Variants in IGDCC3 observed in about 807,000 individuals in gnomAD.
IGDCC3 encodes the protein immunoglobulin superfamily DCC subclass member 3.
IGDCC3 carries 47 observed loss-of-function variants against 72.0 expected under a neutral mutation model. The ratio of observed to expected loss-of-function variants is 0.65; its 90% CI spans 0.52 to 0.83. The LOEUF is 0.83. Among genes scored for constraint, IGDCC3 ranks in the 40% least tolerant of loss-of-function variants. IGDCC3 has a pLI of 0.00. For synonymous variants in IGDCC3, 477 were observed against 472.8 expected (o/e 1.01, Z -0.11); for missense variants, 1,038 against 1,091.3 (o/e 0.95, Z 0.69).
chr15:65,344,730 T>G (rs2091112040), intron 2 of IGDCC3, among the ~76,000 whole-genome samples: 1 of 152,184 alleles, frequency 6.6e-6, no homozygotes, highest in Admixed American at 6.5e-5. Context: ...CTGCTTTTAA[T>G]TACTCAGCCC....
chr15:65,328,952 G>A lies in IGDCC3; in HGVS notation c.2402C>T (p.Pro801Leu). The A allele has an allele frequency of 1.3e-6, 2 of 1,580,382 alleles. No individual in the cohort carries two copies. The highest frequency in any genetic ancestry group is 1.4e-5 in the African/African-American group (1 of 73,470). Residue 801 changes from proline (P) to leucine (L), a missense_variant, in exon 14 of 14, where the codon CCT becomes CTT. Physicochemically the swap from Pro to Leu is moderately conservative, Grantham distance 98. Coordinates refer to ENST00000327987, the MANE Select transcript of IGDCC3 (RefSeq NM_004884.4). ...GLLSEGQASR[P>L]AAARVTQPAH... is the part of the protein sequence containing the mutation. ...TGGCTGGGTAACCCGGGCCGCTGCA[G>A]GCCTGGAAGCCTGGCCTTCACTGAG...
At chr15:65,371,924 C>T (rs1414550290) in intron 2 of IGDCC3, among the ~76,000 whole-genome samples, 1 of 152,198 alleles carries the variant, frequency 6.6e-6, no homozygotes, top group Non-Finnish European at 1.5e-5. Flanking sequence ...AACCCTCAGT[C>T]CTCCCAGGAA....
chr15:65,332,773 C>A (rs1232382630), intron 6 of IGDCC3, among the ~76,000 whole-genome samples: 2 of 152,232 alleles, frequency 1.3e-5, no homozygotes, highest in Non-Finnish European at 2.9e-5. Context: ...GATGGAAGGA[C>A]CAGGTTAGCG....
Position 65,329,251 on chromosome 15 carries a change from C to T in IGDCC3, c.2206-103G>A. ...AGGGTCTCCAGGTCTCCCTGCCTGA[C>T]TCAGGGACACAAAGAGAAGACCTGC... On this transcript the variant is annotated intron_variant, in intron 13 of 13. Transcript: ENST00000327987. This position sits in a 1 kb window ranked among gnomAD's most constrained non-coding sequence, Gnocchi z 4.1. 2.0e-6 allele frequency: 3 copies of T among 1,495,106 alleles called. No individual in the cohort carries two copies. The South Asian group carries it at 4.0e-5, about 20-fold the overall frequency. 92.6% of individuals were successfully genotyped at this position (1,495,106 alleles called of 1,614,324 possible). A position where few individuals can be genotyped will look rare whatever the true frequency, so the allele number is the denominator to read the frequency against.
chr15:65,368,158 ACT>A (rs201883467), intron 2 of IGDCC3, among the ~76,000 whole-genome samples: 1 of 35,554 alleles, frequency 2.8e-5, no homozygotes, highest in African/African-American at 7.8e-5. Context: ...TCTCTCTTTC[ACT>A]CACACACACA....
At chr15:65,355,841 C>T (rs940104560) in intron 2 of IGDCC3, 4 of 415,794 alleles carry the variant, frequency 9.6e-6, no homozygotes, top group Non-Finnish European at 2.0e-5. Context: ...GCGAGCGAGG[C>T]ACCATTTCCC....
intron 7 of IGDCC3, 49 bp from the exon 8 acceptor site, chr15:65,331,708 C>T (rs760355250): frequency 2.6e-6 from 4 of 1,519,330 alleles, no homozygotes; most frequent in South Asian, 1.3e-5. Flanking sequence ...TGGAGGTTGA[C>T]CAAATCTCCC....
intron 1 of IGDCC3, 147 bp from the exon 2 acceptor site, chr15:65,375,549 A>G: frequency 1.5e-6 from 1 of 654,334 alleles, no homozygotes; most frequent in Non-Finnish European, 2.6e-6. Flanking sequence ...AATTCCTATT[A>G]TATATAGAAC....
At chr15:65,361,843 G>T (rs554858715) in intron 2 of IGDCC3, among the ~76,000 whole-genome samples, 83 of 152,320 alleles carry the variant, frequency 5.4e-4, no homozygotes, top group Non-Finnish European at 8.4e-4. Flanking sequence ...CGAGGACGAG[G>T]CATCATTTTC....
At position 65,329,432 on chromosome 15, in the gene IGDCC3, G is replaced by T. The variant is rs746915008; in HGVS notation, c.2163C>A (p.Phe721Leu). The change falls in exon 13 of 14, where the codon TTC becomes TTA. Residue 721 changes from phenylalanine to leucine, a missense_variant. Physicochemically the swap from Phe to Leu is conservative, Grantham distance 22. Transcript: ENST00000327987. The surrounding 1 kb of genome is among the most constrained non-coding windows in gnomAD (Gnocchi z 4.1). Reference sequence around the variant, plus strand: ...GCTGCCCTGCTGCGCTGGCCGGGGGGAACAGCTGCTCCAGCTCCTTCATAT... The same window carrying T: ...GCTGCCCTGCTGCGCTGGCCGGGGGTAACAGCTGCTCCAGCTCCTTCATAT... ...RVDMKELEQL[F>L]PPASAAGQPD... 1.2e-5 allele frequency: 20 copies of T among 1,605,540 alleles called. No individual in the cohort carries two copies. The South Asian group carries it at 2.1e-4, about 17-fold the overall frequency.
At chr15:65,375,046 C>A in intron 2 of IGDCC3, 51 bp downstream of exon 2, 1 of 1,542,642 alleles carries the variant, frequency 6.5e-7, no homozygotes, top group South Asian at 1.2e-5. Context: ...TAGGCTGACC[C>A]TGGATCACCA....
rs557505997 is a variant in IGDCC3 at position 65,359,118 on chromosome 15, G to A, written c.409+15979C>T. Among the ~76,000 whole-genome samples, 55 of 152,296 alleles carry A rather than the reference G, an allele frequency of 3.6e-4. 1 individual carries two copies. Among genetic ancestry groups the A allele is most frequent in the Non-Finnish European group, 7.1e-4 (48 of 68,008 alleles). On this transcript the variant is annotated intron_variant, in intron 2 of 13. Coordinates refer to ENST00000327987, the MANE Select transcript of IGDCC3 (RefSeq NM_004884.4). ...AGGTGTGAGCCACTGCACCTGGCCT[G>A]AGAAAATGCTTTTAAATGATCTCTT...
In IGDCC3 at chr15:65,362,947, C is replaced by T. The variant is rs562670296; in HGVS notation, c.409+12150G>A. On this transcript the variant is annotated intron_variant, in intron 2 of 13. Coordinates refer to ENST00000327987, the MANE Select transcript of IGDCC3 (RefSeq NM_004884.4). Reference sequence around the variant, plus strand: ...TCAGCTCACTGCAGCCTCCGCCTCCCGGGTTCCAGCGATTCTCCTGTCTCA... The same window carrying T: ...TCAGCTCACTGCAGCCTCCGCCTCCTGGGTTCCAGCGATTCTCCTGTCTCA... 1.5e-4 allele frequency among the ~76,000 whole-genome samples: 23 copies of T among 150,544 alleles called. No homozygotes were observed. In the East Asian group the frequency reaches 3.4e-3, roughly 22 times the overall value.
chr15:65,355,333 C>A (rs1024274918), intron 2 of IGDCC3, among the ~76,000 whole-genome samples: 3 of 152,192 alleles, frequency 2.0e-5, no homozygotes, highest in Non-Finnish European at 4.4e-5. Context: ...CCCATCCCCC[C>A]CGCTCTTCTC....
intron 2 of IGDCC3, among the ~76,000 whole-genome samples, chr15:65,364,606 G>A (rs1157136598): frequency 6.6e-6 from 1 of 152,196 alleles, no homozygotes; most frequent in African/African-American, 2.4e-5. Context: ...AAAACAGAGG[G>A]GCCGGGGCAG....
intron 2 of IGDCC3, among the ~76,000 whole-genome samples, chr15:65,370,275 C>T (rs1023039086): frequency 6.6e-6 from 1 of 151,770 alleles, no homozygotes; most frequent in Non-Finnish European, 1.5e-5. Flanking sequence ...CCAGCACTTT[C>T]GGAGGAAGTG....
intron 2 of IGDCC3, among the ~76,000 whole-genome samples, chr15:65,362,123 G>A (rs1014231113): frequency 2.0e-5 from 3 of 152,010 alleles, no homozygotes; most frequent in Non-Finnish European, 4.4e-5. Flanking sequence ...GGAGCTGGGG[G>A]GCCTGGAGGG....
intron 2 of IGDCC3, among the ~76,000 whole-genome samples, chr15:65,358,792 C>T (rs2091242349): frequency 6.6e-6 from 1 of 152,096 alleles, no homozygotes; most frequent in South Asian, 2.1e-4. Context: ...TTTTAAGTAA[C>T]TGAAAAAGTG....
intron 2 of IGDCC3, among the ~76,000 whole-genome samples, chr15:65,348,047 C>T (rs2091140786): frequency 6.6e-6 from 1 of 152,162 alleles, no homozygotes. Context: ...ACGAGAGTGA[C>T]CTCTGGTCAT....
Sources: gnomAD v4.1 joint callset for allele counts (sites outside exome capture counted in the v4.1 genomes callset) on GRCh38, gnomAD v4.1.1 for gene constraint, Gnocchi (gnomAD v3.1) non-coding constraint, MANE v1.5 for transcripts, NCBI Gene and HGNC (gene_info 2026-07-23, HGNC 2026-07-21) for gene names.